The following MRPS28 variants were observed in gnomAD, a reference collection of about 807,000 sequenced individuals.
The protein encoded by MRPS28 is mitochondrial ribosomal protein S28.
MRPS28 carries 7 observed loss-of-function variants against 10.8 expected under a neutral mutation model. That is an observed-to-expected ratio of 0.65 (90% CI 0.37 to 1.22). MRPS28 has a LOEUF of 1.22. Among genes scored for constraint, MRPS28 ranks in the 50% most tolerant of loss-of-function variants. The pLI, the probability that MRPS28 is intolerant of heterozygous loss-of-function variation, is 0.02. For synonymous variants in MRPS28, 121 were observed against 93.3 expected, an observed-to-expected ratio of 1.30 and a Z score of -1.71; for missense variants, 265 against 232.9, an observed-to-expected ratio of 1.14 and a Z score of -0.90.
intron 1 of MRPS28, among the ~76,000 whole-genome samples, chr8:80,025,952 C>G (rs527715164): frequency 1.3e-5 from 2 of 152,116 alleles, no homozygotes; most frequent in Non-Finnish European, 1.5e-5. Context: ...CTTATACTTA[C>G]GTGTGTAATA....
intron 2 of MRPS28, among the ~76,000 whole-genome samples, chr8:79,976,722 A>G (rs193192626): frequency 6.6e-6 from 1 of 152,314 alleles, no homozygotes; most frequent in Admixed American, 6.5e-5. Context: ...AAAGGAAAAG[A>G]AAAGAAAAAC....
intron 2 of MRPS28, among the ~76,000 whole-genome samples, chr8:79,921,275 T>C (rs868856388): frequency 0.01 from 1,553 of 152,266 alleles, 17 homozygotes; most frequent in African/African-American, 0.015. Context: ...CGATGTGGGC[T>C]CTTTTTTGGT....
chr8:79,987,354 A>G lies in MRPS28; in HGVS notation c.395+15645T>C, dbSNP rs867614441. On this transcript the variant is annotated intron_variant, in intron 2 of 2. Coordinates refer to ENST00000276585, the MANE Select transcript of MRPS28 (RefSeq NM_014018.3). ...GAAAACCTAGGCATTACCATTCAGG[A>G]CATAGGCATGGAAAAGGACTTCATG... Among the ~76,000 whole-genome samples the G allele has an allele frequency of 3.6e-3, 548 of 152,362 alleles. 1 individual carries two copies. Among genetic ancestry groups the G allele is most frequent in the African/African-American group, 0.013 (530 of 41,580 alleles).
rs10095522 is a variant in MRPS28 at position 79,934,020 on chromosome 8, T to C, written c.396-14872A>G. 6.9e-3 allele frequency among the ~76,000 whole-genome samples: 1,046 copies of C among 152,342 alleles called. 9 individuals carry two copies. The highest frequency in any genetic ancestry group is 0.024 in the African/African-American group (1,008 of 41,582). ...ATCAACACCTTTTAATGATTGTGTTTCTTGTTTACTAACTAGAAACTAGGT... is the reference window on the plus strand; with the variant it reads ...ATCAACACCTTTTAATGATTGTGTTCCTTGTTTACTAACTAGAAACTAGGT... On this transcript the variant is annotated intron_variant, in intron 2 of 2. Transcript: ENST00000276585.
At chr8:79,980,869 C>A (rs957192131) in intron 2 of MRPS28, among the ~76,000 whole-genome samples, 1 of 152,186 alleles carries the variant, frequency 6.6e-6, no homozygotes, top group Non-Finnish European at 1.5e-5. Context: ...TAGGAAGATG[C>A]TGCTGCTGCT....
At chr8:79,921,951 C>T (rs558874161) in intron 2 of MRPS28, among the ~76,000 whole-genome samples, 54 of 152,166 alleles carry the variant, frequency 3.5e-4, no homozygotes, top group African/African-American at 9.9e-4. Context: ...TTTTGAGATA[C>T]GTCCCATCAA....
At chr8:80,000,926 T>A (rs570001964) in intron 2 of MRPS28, among the ~76,000 whole-genome samples, 7 of 152,206 alleles carry the variant, frequency 4.6e-5, no homozygotes, top group Admixed American at 2.0e-4. Context: ...AAATTTTTAA[T>A]TCAATGAGAA....
intron 2 of MRPS28, among the ~76,000 whole-genome samples, chr8:79,964,741 G>A (rs1807462084): frequency 6.6e-6 from 1 of 152,048 alleles, no homozygotes; most frequent in South Asian, 2.1e-4. Flanking sequence ...GAATACATGG[G>A]AGGTGCCTAG....
At chr8:80,009,626 A>T (rs1224416617) in intron 1 of MRPS28, among the ~76,000 whole-genome samples, 1 of 151,956 alleles carries the variant, frequency 6.6e-6, no homozygotes, top group Non-Finnish European at 1.5e-5. Context: ...AAAAAGAAAA[A>T]AAAAAGAAAG....
At chr8:79,979,230 C>T (rs1807883927) in intron 2 of MRPS28, among the ~76,000 whole-genome samples, 1 of 152,140 alleles carries the variant, frequency 6.6e-6, no homozygotes, top group Non-Finnish European at 1.5e-5. Flanking sequence ...GAGGAAGAGA[C>T]ATCTGAGTTA....
In MRPS28 at chr8:80,011,140, TA is replaced by T. The variant is rs202176744; in HGVS notation, c.214-7961del. Among the ~76,000 whole-genome samples the T allele has an allele frequency of 4.0e-3, 584 of 146,768 alleles. 11 individuals are homozygous for T. The highest frequency in any genetic ancestry group is 0.011 in the African/African-American group (423 of 39,188). ...TCTTTTTTTTTTATTTTTTTATTTT[TA>T]TTTTTTTTTGTAAGCCATTCTTGAC... is the stretch of plus-strand genomic sequence containing the variant. On this transcript the variant is annotated intron_variant, in intron 1 of 2. Coordinates refer to ENST00000276585, the MANE Select transcript of MRPS28 (RefSeq NM_014018.3).
intron 2 of MRPS28, among the ~76,000 whole-genome samples, chr8:79,984,363 C>A (rs1273501594): frequency 1.3e-5 from 2 of 152,216 alleles, no homozygotes; most frequent in Non-Finnish European, 1.5e-5. Flanking sequence ...GAAACTGCAT[C>A]AACTAACGAG....
chr8:79,923,893 T>C (rs1440659297), intron 2 of MRPS28, among the ~76,000 whole-genome samples: 1 of 152,202 alleles, frequency 6.6e-6, no homozygotes, highest in Non-Finnish European at 1.5e-5. Flanking sequence ...ATTTCTGTAT[T>C]AAGGGCATGG....
chr8:80,016,310 T>C (rs564833363), intron 1 of MRPS28, among the ~76,000 whole-genome samples: 77 of 152,082 alleles, frequency 5.1e-4, no homozygotes, highest in African/African-American at 1.8e-3. Context: ...GGAAAACAGC[T>C]TTCCTACAGA....
chr8:79,997,855 G>C (rs1808544952), intron 2 of MRPS28, among the ~76,000 whole-genome samples: 1 of 152,002 alleles, frequency 6.6e-6, no homozygotes, highest in African/African-American at 2.4e-5. Flanking sequence ...AGGAGTTCAA[G>C]ACCAGCCTGG....
At chr8:79,957,233 ACTTT>A (rs1355011012) in intron 2 of MRPS28, 4 of 152,048 alleles carry the variant, frequency 2.6e-5, no homozygotes, top group Non-Finnish European at 1.5e-5. Flanking sequence ...AGAACACAGC[ACTTT>A]CTTTCCCCAT....
chr8:79,969,389 T>C (rs1410501906), intron 2 of MRPS28, among the ~76,000 whole-genome samples: 1 of 152,082 alleles, frequency 6.6e-6, no homozygotes, highest in Non-Finnish European at 1.5e-5. Flanking sequence ...TAAACATAGC[T>C]CTGGGCTATT....
chr8:79,949,228 G>C (rs569699940), intron 2 of MRPS28, among the ~76,000 whole-genome samples: 6 of 152,144 alleles, frequency 3.9e-5, no homozygotes, highest in African/African-American at 1.4e-4. Flanking sequence ...AGCCTGGCAA[G>C]ATGGTGAAAC....
At chr8:79,974,768 G>A (rs1168911611) in intron 2 of MRPS28, among the ~76,000 whole-genome samples, 9 of 151,858 alleles carry the variant, frequency 5.9e-5, no homozygotes, top group African/African-American at 1.9e-4. Flanking sequence ...CTTCAGATAC[G>A]GGCAGGCAAT....
Sources: allele counts gnomAD v4.1 joint callset (sites outside exome capture counted in the v4.1 genomes callset), GRCh38; gene constraint gnomAD v4.1.1; transcripts MANE v1.5; gene names NCBI Gene and HGNC (gene_info 2026-07-23, HGNC 2026-07-21).